EYS: variants seen among roughly 807,000 people sequenced by gnomAD.
EYS encodes EGF-like photoreceptor maintenance factor, also known as protein eyes shut homolog.
Under a neutral mutation model 282.1 loss-of-function variants are expected in EYS, and 250 were observed. The observed-to-expected ratio is 0.89, with a 90% CI of 0.80 to 0.98. The LOEUF is 0.98. EYS is among the 50% of genes least tolerant of loss of function. The pLI, the probability that EYS is intolerant of heterozygous loss-of-function variation, is 0.00. For missense variants in EYS, 4,016 were observed against 3,709.0 expected (o/e 1.08, Z -2.15); for synonymous variants, 1,355 against 1,282.9 (o/e 1.06, Z -1.20).
At chr6:64,980,391 T>A (rs1023483435) in intron 14 of EYS, among the ~76,000 whole-genome samples, 1 of 151,496 alleles carries the variant, frequency 6.6e-6, no homozygotes, top group Non-Finnish European at 1.5e-5. Flanking sequence ...GATCATATTT[T>A]AAATTAGTCT....
At chr6:65,577,458 A>G (rs540957213) in intron 2 of EYS, among the ~76,000 whole-genome samples, 8 of 152,000 alleles carry the variant, frequency 5.3e-5, no homozygotes, top group African/African-American at 1.9e-4. Flanking sequence ...ATAAGACATG[A>G]AACTATACAA....
intron 1 of EYS, among the ~76,000 whole-genome samples, chr6:65,693,925 T>A (rs1769338411): frequency 6.7e-6 from 1 of 150,180 alleles, no homozygotes; most frequent in African/African-American, 2.4e-5. Flanking sequence ...TTTAATTGCT[T>A]TAGTGTTTAC....
At chr6:65,595,038 C>T (rs898916744) in intron 2 of EYS, among the ~76,000 whole-genome samples, 2 of 151,898 alleles carry the variant, frequency 1.3e-5, no homozygotes, top group African/African-American at 4.8e-5. Flanking sequence ...TGTTTTGGTA[C>T]CAGTACCATG....
At chr6:64,512,624 G>C (rs560545505) in intron 26 of EYS, among the ~76,000 whole-genome samples, 1 of 150,860 alleles carries the variant, frequency 6.6e-6, no homozygotes, top group Non-Finnish European at 1.5e-5. Context: ...TTTGAGGAAA[G>C]TGGGAAAAAA....
rs10589491 is a variant in EYS, at chr6:64,248,183, T to TTGTGTGTG, written c.6192-17367_6192-17360dup. 9.1e-3 allele frequency among the ~76,000 whole-genome samples: 1,328 copies of TTGTGTGTG among 146,378 alleles called. 14 individuals carry two copies. Among genetic ancestry groups the TTGTGTGTG allele is most frequent in the African/African-American group, 0.031 (1,220 of 39,660 alleles). On this transcript the variant is annotated intron_variant, in intron 30 of 42. Transcript: ENST00000503581. ...GCAAGTGATTTGGTACAGAAGAAGC[T>TTGTGTGTG]TGTGTGTGTGTGTGTGTGTGTGTGT... is the stretch of plus-strand genomic sequence containing the variant.
At chr6:64,946,485 T>A (rs1378075989) in intron 14 of EYS, among the ~76,000 whole-genome samples, 1 of 151,990 alleles carries the variant, frequency 6.6e-6, no homozygotes, top group Non-Finnish European at 1.5e-5. Flanking sequence ...TTTCCTAGTA[T>A]TGGGCAAACA....
At chr6:64,492,523 G>A (rs1776770828) in intron 26 of EYS, among the ~76,000 whole-genome samples, 1 of 150,964 alleles carries the variant, frequency 6.6e-6, no homozygotes, top group African/African-American at 2.4e-5. Flanking sequence ...GAATGAGAGT[G>A]TCCTAATTTG....
At chr6:64,223,130 G>A (rs954386792) in intron 31 of EYS, among the ~76,000 whole-genome samples, 9 of 151,824 alleles carry the variant, frequency 5.9e-5, no homozygotes, top group Non-Finnish European at 1.2e-4. Context: ...AGTGCACCCC[G>A]TCCTGGAACC....
At chr6:64,256,763 C>T (rs983946279) in intron 30 of EYS, among the ~76,000 whole-genome samples, 4 of 152,014 alleles carry the variant, frequency 2.6e-5, no homozygotes, top group Non-Finnish European at 4.4e-5. Context: ...TGAAAGGCAG[C>T]TAGGGAACAT....
chr6:64,652,478 G>A (rs763527908), intron 22 of EYS, among the ~76,000 whole-genome samples: 1 of 151,990 alleles, frequency 6.6e-6, no homozygotes, highest in African/African-American at 2.4e-5. Flanking sequence ...ACAACCACAA[G>A]GAAATGAATT....
chr6:64,553,558 C>CCG (rs1026572584), intron 26 of EYS, among the ~76,000 whole-genome samples: 1 of 132,064 alleles, frequency 7.6e-6, no homozygotes, highest in East Asian at 2.4e-4. Context: ...CCCCCCCCCC[C>CCG]ATAGGCAGTT....
chr6:64,585,733 T>A (rs920519671), intron 26 of EYS, among the ~76,000 whole-genome samples: 2 of 152,104 alleles, frequency 1.3e-5, no homozygotes, highest in African/African-American at 4.8e-5. Flanking sequence ...TTAACTACAG[T>A]TTTTATGTGT....
intron 5 of EYS, among the ~76,000 whole-genome samples, chr6:65,432,827 A>T (rs994061296): frequency 6.6e-6 from 1 of 152,182 alleles, no homozygotes; most frequent in Non-Finnish European, 1.5e-5. Flanking sequence ...AGAAGTGGTC[A>T]GATTTTAAAT....
At chr6:64,166,488 A>G (rs746540798) in intron 31 of EYS, among the ~76,000 whole-genome samples, 3 of 152,206 alleles carry the variant, frequency 2.0e-5, no homozygotes, top group African/African-American at 7.2e-5. Context: ...GGTATTTTAT[A>G]GTCTGTAGAA....
intron 12 of EYS, among the ~76,000 whole-genome samples, chr6:65,092,791 A>G (rs2150178724): frequency 6.6e-6 from 1 of 152,250 alleles, no homozygotes; most frequent in South Asian, 2.1e-4. Flanking sequence ...ACAAGTCACA[A>G]AAAGAATGAA....
chr6:65,541,416 G>T (rs1768163469), intron 2 of EYS, among the ~76,000 whole-genome samples: 1 of 151,774 alleles, frequency 6.6e-6, no homozygotes, highest in Admixed American at 6.6e-5. Context: ...TATTTTTTTA[G>T]AAGATTAATT....
intron 28 of EYS, among the ~76,000 whole-genome samples, chr6:64,425,350 C>T (rs571719393): frequency 3.7e-4 from 56 of 151,926 alleles, no homozygotes; most frequent in African/African-American, 9.6e-4. Context: ...CTGCCAGAGC[C>T]CAAATAAAAA....
In EYS at chr6:63,916,120, TGTC is replaced by T. The variant is rs374069797; in HGVS notation, c.7056-51765_7056-51763del. On this transcript the variant is annotated intron_variant, in intron 35 of 42. Transcript: ENST00000503581. ...TAATTGATTTGGCAAACTTTACTGT[TGTC>T]TTATTTTAAGAAATTGTCACTGCCA... Among the ~76,000 whole-genome samples, 664 of 152,328 alleles carry T rather than the reference TGTC, an allele frequency of 4.4e-3. 4 individuals carry two copies. Among genetic ancestry groups the T allele is most frequent in the African/African-American group, 0.015 (635 of 41,572 alleles).
intron 26 of EYS, among the ~76,000 whole-genome samples, chr6:64,451,998 G>A (rs1582771486): frequency 6.6e-6 from 1 of 152,168 alleles, no homozygotes; most frequent in East Asian, 1.9e-4. Context: ...AGTGTTGGAA[G>A]TTCTGGCCAG....
Sources: gnomAD v4.1 joint callset for allele counts (sites outside exome capture counted in the v4.1 genomes callset) on GRCh38, gnomAD v4.1.1 for gene constraint, MANE v1.5 for transcripts, NCBI Gene and HGNC (gene_info 2026-07-23, HGNC 2026-07-21) for gene names.